Variants in UBE2G2 observed in about 807,000 individuals in gnomAD.
UBE2G2 encodes ubiquitin-conjugating enzyme E2 G2.
Under a neutral mutation model 23.0 loss-of-function variants are expected in UBE2G2, and 10 were observed. The ratio of observed to expected loss-of-function variants is 0.43; its 90% CI spans 0.27 to 0.74. The LOEUF (loss-of-function observed/expected upper bound fraction) is 0.74. Ranked by LOEUF, UBE2G2 falls within the 30% of genes least tolerant of loss-of-function variation. The pLI is 0.19. For synonymous variants in UBE2G2, 86 were observed against 81.3 expected, an observed-to-expected ratio of 1.06 and a Z score of -0.31; for missense variants, 150 against 218.3, an observed-to-expected ratio of 0.69 and a Z score of 1.97.
At chr21:44,788,163 C>T (rs2083011613) in intron 1 of UBE2G2, 68 bp from the exon 2 acceptor site, 1 of 1,437,888 alleles carries the variant, frequency 7.0e-7, no homozygotes, top group Non-Finnish European at 9.5e-7. Flanking sequence ...TAACAAAACA[C>T]CTTTACAAAA....
chr21:44,801,070 C>G (rs2083132675), intron 1 of UBE2G2: 1 of 153,354 alleles, frequency 6.5e-6, no homozygotes, highest in South Asian at 2.1e-4. Flanking sequence ...CTTCTCGCAG[C>G]AGTTCTTCCA....
chr21:44,790,866 G>C (rs530944462), intron 1 of UBE2G2, among the ~76,000 whole-genome samples: 2 of 152,246 alleles, frequency 1.3e-5, no homozygotes, highest in Non-Finnish European at 2.9e-5. Context: ...CTGGGTAGTA[G>C]GCAGAGGTTG....
intron 3 of UBE2G2, among the ~76,000 whole-genome samples, chr21:44,780,060 G>A (rs886352164): frequency 3.3e-5 from 5 of 152,164 alleles, no homozygotes; most frequent in African/African-American, 1.2e-4. Flanking sequence ...ACAGTTCTTT[G>A]TTTCTCATAA....
chr21:44,780,954 G>C (rs1054572091), intron 3 of UBE2G2, among the ~76,000 whole-genome samples: 1 of 152,216 alleles, frequency 6.6e-6, no homozygotes, highest in South Asian at 2.1e-4. Context: ...AGGGCAAGTG[G>C]GTGCCCTGAG....
At chr21:44,798,311 T>C (rs2083109790) in intron 1 of UBE2G2, among the ~76,000 whole-genome samples, 1 of 152,202 alleles carries the variant, frequency 6.6e-6, no homozygotes, top group African/African-American at 2.4e-5. Context: ...ATCAGGGTGG[T>C]AGTTGCTGAA....
At chr21:44,784,244 A>C (rs1555961676) in intron 3 of UBE2G2, among the ~76,000 whole-genome samples, 1 of 151,940 alleles carries the variant, frequency 6.6e-6, no homozygotes, top group Non-Finnish European at 1.5e-5. Context: ...GGAAGGAAGG[A>C]CGGACAGACG....
In UBE2G2 at chr21:44,769,238, C is replaced by A. The variant is rs2082852270; in HGVS notation, c.*2139G>T. The A allele has an allele frequency of 6.6e-6, 1 of 152,236 alleles. No individual in the cohort carries two copies. The highest frequency in any genetic ancestry group is 1.5e-5 in the Non-Finnish European group (1 of 68,056). 9.4% of individuals were successfully genotyped at this position (152,236 alleles called of 1,614,324 possible). ...ATTGTGTGCCCCTCCAGGGCCTGCA[C>A]CCACAGACCCCGTCTACTTGCACAA... On this transcript the variant is annotated 3_prime_UTR_variant, in exon 6 of 6. Coordinates refer to ENST00000345496, the MANE Select transcript of UBE2G2 (RefSeq NM_003343.6).
intron 1 of UBE2G2, among the ~76,000 whole-genome samples, chr21:44,795,995 G>C (rs1031049533): frequency 8.5e-5 from 13 of 152,206 alleles, no homozygotes; most frequent in African/African-American, 2.7e-4. Context: ...AGGCAAGTAA[G>C]GGTTCTCCCC....
At chr21:44,798,750 G>A (rs913045265) in intron 1 of UBE2G2, among the ~76,000 whole-genome samples, 1 of 152,146 alleles carries the variant, frequency 6.6e-6, no homozygotes. Flanking sequence ...AGTCATCCAT[G>A]AGCATTGAAA....
chr21:44,793,935 G>A (rs1481969180), intron 1 of UBE2G2, among the ~76,000 whole-genome samples: 1 of 152,186 alleles, frequency 6.6e-6, no homozygotes, highest in African/African-American at 2.4e-5. Context: ...ACATATACCA[G>A]TGGGGTACTT....
In UBE2G2 at chr21:44,771,340, G is replaced by A. The variant is rs1355143845; in HGVS notation, c.*37C>T. On this transcript the variant is annotated 3_prime_UTR_variant, in exon 6 of 6. Coordinates refer to ENST00000345496, the MANE Select transcript of UBE2G2 (RefSeq NM_003343.6). This position sits in a 1 kb window ranked among gnomAD's most constrained non-coding sequence, Gnocchi z 4.6. ...GTGTGCCGGGGGAGAATGCTGAGCT[G>A]CTTGGCGGTGTGTGCGCGCCTGTGC... 11 of 1,586,764 alleles carry A rather than the reference G, an allele frequency of 6.9e-6. No individual in the cohort carries two copies. Among genetic ancestry groups the A allele is most frequent in the Non-Finnish European group, 9.5e-6 (11 of 1,158,796 alleles).
intron 2 of UBE2G2, 28 bp from the exon 3 acceptor site, chr21:44,787,993 A>C: frequency 6.2e-7 from 1 of 1,611,186 alleles, no homozygotes; most frequent in Non-Finnish European, 8.5e-7. Context: ...ATTTCACAAC[A>C]TTTTAACTTT....
At position 44,773,647 on chromosome 21, in the gene UBE2G2, C is replaced by T. The variant is rs1270119051; in HGVS notation, c.285G>A (p.Ala95=). The change falls in exon 5 of 6, where the codon GCG becomes GCA. Residue 95 remains alanine, a synonymous_variant. Transcript: ENST00000345496. The part of the protein sequence containing the change: ...DGRVCISILH[A]PGDDPMGYES... The stretch of plus-strand genomic sequence containing the variant: ...CGTAGCCCATGGGGTCATCGCCTGG[C>T]GCGTGGAGGATGGAAATGCAGACTC... 3.1e-6 allele frequency: 5 copies of T among 1,612,636 alleles called. No individual in the cohort carries two copies. Among genetic ancestry groups the T allele is most frequent in the Non-Finnish European group, 3.4e-6 (4 of 1,180,030 alleles).
chr21:44,787,198 A>C (rs1281429024), intron 3 of UBE2G2, among the ~76,000 whole-genome samples: 1 of 152,228 alleles, frequency 6.6e-6, no homozygotes, highest in Non-Finnish European at 1.5e-5. Context: ...AAAATACACT[A>C]AGAATGGCCA....
At chr21:44,785,208 G>A (rs2082986021) in intron 3 of UBE2G2, among the ~76,000 whole-genome samples, 1 of 152,204 alleles carries the variant, frequency 6.6e-6, no homozygotes, top group Non-Finnish European at 1.5e-5. Flanking sequence ...AGCACCCACA[G>A]CCACGGTGGC....
At chr21:44,800,212 A>G (rs1601202933) in intron 1 of UBE2G2, 1 of 152,348 alleles carries the variant, frequency 6.6e-6, no homozygotes, top group South Asian at 2.1e-4. Flanking sequence ...AAAATGCAAG[A>G]TCTGCGAAGT....
chr21:44,784,832 T>C (rs2082983021), intron 3 of UBE2G2, among the ~76,000 whole-genome samples: 1 of 151,844 alleles, frequency 6.6e-6, no homozygotes, highest in Non-Finnish European at 1.5e-5. Context: ...TCTGGGGAGG[T>C]GACAGCAGTC....
intron 1 of UBE2G2, among the ~76,000 whole-genome samples, chr21:44,798,052 G>A (rs189653634): frequency 6.6e-6 from 1 of 152,224 alleles, no homozygotes; most frequent in East Asian, 1.9e-4. Flanking sequence ...CAGCTACTCA[G>A]GTGGATTAAG....
chr21:44,800,563 A>G (rs1477703018), intron 1 of UBE2G2: 1 of 152,168 alleles, frequency 6.6e-6, no homozygotes, highest in Non-Finnish European at 1.5e-5. Flanking sequence ...TAGGGACTTG[A>G]GCATCCGAGG....
Sources: gnomAD v4.1 joint callset for allele counts (sites outside exome capture counted in the v4.1 genomes callset) on GRCh38, gnomAD v4.1.1 for gene constraint, Gnocchi (gnomAD v3.1) non-coding constraint, MANE v1.5 for transcripts, NCBI Gene and HGNC (gene_info 2026-07-23, HGNC 2026-07-21) for gene names.